The following SH3BP4 variants were observed in gnomAD, a reference collection of about 807,000 sequenced individuals.
The protein encoded by SH3BP4 is SH3 domain-binding protein 4.
A neutral mutation model predicts 65.5 loss-of-function variants in SH3BP4; 33 were observed. The ratio of observed to expected loss-of-function variants is 0.50; its 90% CI spans 0.38 to 0.67. The LOEUF (loss-of-function observed/expected upper bound fraction) is 0.67, where lower values mean the gene tolerates loss of function less well. SH3BP4 is among the 30% of genes least tolerant of loss of function. SH3BP4 has a pLI of 0.00. For missense variants in SH3BP4, 1,134 were observed against 1,261.4 expected, an observed-to-expected ratio of 0.90 and a Z score of 1.53; for synonymous variants, 552 against 545.5, an observed-to-expected ratio of 1.01 and a Z score of -0.17.
At chr2:235,015,924 T>A (rs1006845191) in intron 2 of SH3BP4, among the ~76,000 whole-genome samples, 2 of 151,776 alleles carry the variant, frequency 1.3e-5, no homozygotes, top group African/African-American at 4.8e-5. Context: ...GCTGGGTCAG[T>A]ATGAGAAAGG....
chr2:234,953,152 G>T (rs1692514419), intron 1 of SH3BP4: 1 of 152,334 alleles, frequency 6.6e-6, no homozygotes, highest in Non-Finnish European at 1.5e-5. Context: ...TGGAACTATA[G>T]AATTTATCCG....
At chr2:234,973,561 A>T (rs549813705) in intron 1 of SH3BP4, among the ~76,000 whole-genome samples, 1 of 152,262 alleles carries the variant, frequency 6.6e-6, no homozygotes, top group Admixed American at 6.5e-5. Flanking sequence ...AGGCAGTCGT[A>T]TGCAATACGT....
rs183024938 is a variant in SH3BP4 at position 235,012,054 on chromosome 2, G to C, written c.-133+16678G>C. 2.6e-5 allele frequency among the ~76,000 whole-genome samples: 4 copies of C among 152,366 alleles called. No individual in the cohort carries two copies. The East Asian group carries it at 7.7e-4, about 29-fold the overall frequency. On this transcript the variant is annotated intron_variant, in intron 2 of 5. Transcript: ENST00000392011. ...CTATTATAGGGAAAGCATGGGGCTG[G>C]TGCCCGCACACTCAGTGTGGATGCA...
chr2:235,053,372 C>T (rs1175950859), intron 5 of SH3BP4, among the ~76,000 whole-genome samples: 1 of 152,192 alleles, frequency 6.6e-6, no homozygotes, highest in East Asian at 1.9e-4. Context: ...ATTTGTTGCG[C>T]ACCTACTCTT....
chr2:234,979,287 C>T lies in SH3BP4; in HGVS notation c.-206-16016C>T, dbSNP rs559372343. On this transcript the variant is annotated intron_variant, in intron 1 of 5. Coordinates refer to ENST00000392011, the MANE Select transcript of SH3BP4 (RefSeq NM_014521.3). ...CCCAGCTTCCAGCTCCCGATCCTCT[C>T]CCCTTCCTGCAAAAATGTGTTTATC... 2.0e-5 allele frequency among the ~76,000 whole-genome samples: 3 copies of T among 152,370 alleles called. No homozygotes were observed. The South Asian group carries it at 6.2e-4, about 32-fold the overall frequency.
rs1392745063 is a variant in SH3BP4 at position 234,978,401 on chromosome 2, C to G, written c.-206-16902C>G. Reference sequence around the variant, plus strand: ...GGAGGGTGGGTAAAAATGCAGGGTCCTCCTCACTGCAGTCACTGCGGGACC... The same window carrying G: ...GGAGGGTGGGTAAAAATGCAGGGTCGTCCTCACTGCAGTCACTGCGGGACC... On this transcript the variant is annotated intron_variant, in intron 1 of 5. Coordinates refer to ENST00000392011, the MANE Select transcript of SH3BP4 (RefSeq NM_014521.3). The surrounding 1 kb of genome is among the most constrained non-coding windows in gnomAD (Gnocchi z 4.1). Among the ~76,000 whole-genome samples the G allele has an allele frequency of 6.6e-6, 1 of 152,202 alleles. No individual in the cohort carries two copies.
chr2:234,997,016 A>G lies in SH3BP4; in HGVS notation c.-133+1640A>G, dbSNP rs546431279. ...ACGGGAGGGTGGGACGGGTGCCGCC[A>G]TCCCACAGCGGTGCCCGCTTGTCTC... On this transcript the variant is annotated intron_variant, in intron 2 of 5. Coordinates refer to ENST00000392011, the MANE Select transcript of SH3BP4 (RefSeq NM_014521.3). This position sits in a 1 kb window ranked among gnomAD's most constrained non-coding sequence, Gnocchi z 4.2. 6.6e-6 allele frequency among the ~76,000 whole-genome samples: 1 copy of G among 152,320 alleles called. No homozygotes were observed. Among genetic ancestry groups the G allele is most frequent in the Non-Finnish European group, 1.5e-5 (1 of 68,018 alleles).
intron 1 of SH3BP4, among the ~76,000 whole-genome samples, chr2:234,969,612 G>C (rs28585626): frequency 0.053 from 8,009 of 152,208 alleles, 618 homozygotes; most frequent in African/African-American, 0.17. Flanking sequence ...AGGGCTTCGT[G>C]GTTGTACAGA....
rs559183579 is a variant in SH3BP4, at chr2:234,975,250, C to T, written c.-206-20053C>T. The stretch of plus-strand genomic sequence containing the variant: ...ATCGGGGACAGCAGCAGTTGCAGGA[C>T]GACAGACGTGTCACTGAGGGTGCAG... On this transcript the variant is annotated intron_variant, in intron 1 of 5. Coordinates refer to ENST00000392011, the MANE Select transcript of SH3BP4 (RefSeq NM_014521.3). 1.3e-3 allele frequency among the ~76,000 whole-genome samples: 205 copies of T among 152,266 alleles called. 3 individuals are homozygous for T. The highest frequency in any genetic ancestry group is 1.3e-3 in the Non-Finnish European group (90 of 68,034).
chr2:234,973,436 ACAGCCTCACTTTG>A (rs2106249129), intron 1 of SH3BP4, among the ~76,000 whole-genome samples: 1 of 152,306 alleles, frequency 6.6e-6, no homozygotes, highest in Admixed American at 6.5e-5. Flanking sequence ...AGCAGTATGT[ACAGCCTCACTTTG>A]CAGAAGTCAT....
rs544555985 is a variant in SH3BP4 at position 235,034,736 on chromosome 2, G to A, written c.-132-135G>A. ...GAGCAAGCGCTGCTCTGCTCTGTTG[G>A]GCCAGGAAAGATGAAATGGGTCTGT... On this transcript the variant is annotated intron_variant, in intron 2 of 5. Transcript: ENST00000392011. The surrounding 1 kb of genome is among the most constrained non-coding windows in gnomAD (Gnocchi z 6.2). The A allele has an allele frequency of 1.4e-3, 606 of 438,510 alleles. 3 individuals carry two copies. The highest frequency in any genetic ancestry group is 0.011 in the South Asian group (407 of 38,214). 27.2% of individuals were successfully genotyped at this position (438,510 alleles called of 1,614,324 possible).
intron 2 of SH3BP4, among the ~76,000 whole-genome samples, chr2:235,006,019 C>A (rs1694282145): frequency 6.6e-6 from 1 of 152,238 alleles, no homozygotes; most frequent in Non-Finnish European, 1.5e-5. Context: ...GCCGGCCCAG[C>A]CCCTGCAGCT....
At position 234,991,600 on chromosome 2, in the gene SH3BP4, C is replaced by A. The variant is rs1693749087; in HGVS notation, c.-206-3703C>A. Among the ~76,000 whole-genome samples, 1 of 152,198 alleles carries A rather than the reference C, an allele frequency of 6.6e-6. No homozygotes were observed. Among genetic ancestry groups the A allele is most frequent in the Non-Finnish European group, 1.5e-5 (1 of 68,044 alleles). ...GCTAAACCGTGTGGTTTTCTTGGGG[C>A]CCCTGAAGACTGACGGGTCCACACT... On this transcript the variant is annotated intron_variant, in intron 1 of 5. Transcript: ENST00000392011. This position sits in a 1 kb window ranked among gnomAD's most constrained non-coding sequence, Gnocchi z 4.2.
At chr2:235,027,522 T>G (rs55705244) in intron 2 of SH3BP4, among the ~76,000 whole-genome samples, 15,228 of 152,262 alleles carry the variant, frequency 0.1, 1,160 homozygotes, top group East Asian at 0.26. Context: ...GTGATGAGTT[T>G]CCATCGACAG....
chr2:235,014,113 T>C (rs1050518890), intron 2 of SH3BP4, among the ~76,000 whole-genome samples: 2 of 152,226 alleles, frequency 1.3e-5, no homozygotes, highest in Non-Finnish European at 2.9e-5. Flanking sequence ...AGAAATGCCT[T>C]TGCGTGGCTC....
chr2:234,996,062 T>C (rs917972736), intron 2 of SH3BP4: 2 of 152,224 alleles, frequency 1.3e-5, no homozygotes, highest in Admixed American at 6.5e-5. Flanking sequence ...CACCCTCCTT[T>C]GTAAAGTCGG....
chr2:235,015,667 G>A (rs1464630145), intron 2 of SH3BP4, among the ~76,000 whole-genome samples: 1 of 152,204 alleles, frequency 6.6e-6, no homozygotes, highest in Non-Finnish European at 1.5e-5. Flanking sequence ...AGGAAGGTTG[G>A]GAAGAAAGAG....
intron 1 of SH3BP4, among the ~76,000 whole-genome samples, chr2:234,990,616 CTGTAGGTTGAGTTGG>C (rs1693720053): frequency 6.6e-6 from 1 of 152,210 alleles, no homozygotes. Flanking sequence ...ACAGGCCAGC[CTGTAGGTTGAGTTGG>C]GTGAAGAGTT....
At position 235,046,071 on chromosome 2, in the gene SH3BP4, G is replaced by T. The variant is rs1695848734; in HGVS notation, c.2478+2824G>T. Among the ~76,000 whole-genome samples, 1 of 152,154 alleles carries T rather than the reference G, an allele frequency of 6.6e-6. No homozygotes were observed. The highest frequency in any genetic ancestry group is 2.4e-5 in the African/African-American group (1 of 41,432). On this transcript the variant is annotated intron_variant, in intron 4 of 5. Coordinates refer to ENST00000392011, the MANE Select transcript of SH3BP4 (RefSeq NM_014521.3). The surrounding 1 kb of genome is among the most constrained non-coding windows in gnomAD (Gnocchi z 4.2). ...CCAACCCTGGGGGCCACTGTGCTCT[G>T]TGCACCCCTGCCCTGAACACACCCA...
Sources: allele counts gnomAD v4.1 joint callset (sites outside exome capture counted in the v4.1 genomes callset), GRCh38; gene constraint gnomAD v4.1.1; non-coding constraint Gnocchi (gnomAD v3.1); transcripts MANE v1.5; gene names NCBI Gene and HGNC (gene_info 2026-07-23, HGNC 2026-07-21).